Variants in NT5C3B observed in about 807,000 individuals in gnomAD.
NT5C3B encodes 5'-nucleotidase, cytosolic IIIB.
A neutral mutation model predicts 32.5 loss-of-function variants in NT5C3B; 28 were observed. The observed-to-expected ratio is 0.86, with a 90% CI of 0.64 to 1.18. The LOEUF (loss-of-function observed/expected upper bound fraction) is 1.18. Ranked by LOEUF, NT5C3B falls within the 50% of genes most tolerant of loss-of-function variation. The pLI, the probability that NT5C3B is intolerant of heterozygous loss-of-function variation, is 0.00. For missense variants in NT5C3B, 317 were observed against 322.0 expected (o/e 0.98, Z 0.12); for synonymous variants, 138 against 118.0 (o/e 1.17, Z -1.10).
At chr17:41,834,211 C>T (rs968108477) in intron 4 of NT5C3B, among the ~76,000 whole-genome samples, 9 of 152,022 alleles carry the variant, frequency 5.9e-5, no homozygotes, top group Non-Finnish European at 1.2e-4. Flanking sequence ...GCCTGACCAA[C>T]ATGGAGAAAC....
chr17:41,835,433 A>C, intron 2 of NT5C3B, 161 bp from the exon 3 acceptor site: 1 of 669,526 alleles, frequency 1.5e-6, no homozygotes, highest in African/African-American at 1.8e-5. Context: ...ATAGAGGGGA[A>C]GTGATCCTAA....
At chr17:41,834,522 G>A (rs553870170) in intron 4 of NT5C3B, among the ~76,000 whole-genome samples, 1 of 152,242 alleles carries the variant, frequency 6.6e-6, no homozygotes, top group East Asian at 1.9e-4. Flanking sequence ...TGAGGAAGGA[G>A]GATTGCTTGA....
At chr17:41,836,137 C>T (rs973321298) in intron 1 of NT5C3B, 45 bp downstream of exon 1, 17 of 1,318,866 alleles carry the variant, frequency 1.3e-5, no homozygotes, top group African/African-American at 1.5e-5. Context: ...CCCCGGGGGT[C>T]GGAGTCCGGG....
chr17:41,831,290 A>G (rs1334255021), intron 5 of NT5C3B, among the ~76,000 whole-genome samples: 1 of 143,172 alleles, frequency 7.0e-6, no homozygotes, highest in Non-Finnish European at 1.5e-5. Context: ...ACTGCACTCC[A>G]GCCTGGGTGA....
At chr17:41,836,053 G>A in intron 1 of NT5C3B, 96 bp from the exon 2 acceptor site, 1 of 1,405,540 alleles carries the variant, frequency 7.1e-7, no homozygotes, top group Non-Finnish European at 9.3e-7. Context: ...GGCGGGGCCG[G>A]GGTGCGCGAG....
In NT5C3B at chr17:41,827,411, T is replaced by C. The variant is rs2047984985; in HGVS notation, c.768+15A>G. The C allele has an allele frequency of 3.4e-6, 3 of 871,710 alleles. No individual in the cohort carries two copies. Among genetic ancestry groups the C allele is most frequent in the Admixed American group, 3.4e-5 (2 of 59,158 alleles). The allele number at this position is 871,710 out of a possible 1,614,324, so 54.0% of individuals were successfully genotyped here. On this transcript the variant is annotated intron_variant, in intron 8 of 8. Transcript: ENST00000435506. The stretch of plus-strand genomic sequence containing the variant: ...AGAAAGACATGAAGAGAAGCAGCCC[T>C]GGTCCTCTACCCACCTTGTCATTCA...
At chr17:41,829,389 G>A (rs1164767573) in intron 6 of NT5C3B, among the ~76,000 whole-genome samples, 2 of 152,096 alleles carry the variant, frequency 1.3e-5, no homozygotes, top group Non-Finnish European at 2.9e-5. Context: ...TAGAGCATAC[G>A]ATATATTCAA....
rs1268509541 is a variant in NT5C3B at position 41,834,281 on chromosome 17, A to C, written c.228+789T>G. 2.0e-5 allele frequency among the ~76,000 whole-genome samples: 3 copies of C among 151,960 alleles called. No individual in the cohort carries two copies. The East Asian group carries it at 5.8e-4, about 29-fold the overall frequency. On this transcript the variant is annotated intron_variant, in intron 4 of 8. Transcript: ENST00000435506. ...CATGGTGATGCATGCTGGTAATCCC[A>C]GCTACTCGAGAGGCTGAGGCATGAG...
At position 41,834,426 on chromosome 17, in the gene NT5C3B, T is replaced by A. The variant is rs868992801; in HGVS notation, c.228+644A>T. Reference sequence around the variant, plus strand: ...CACACACACACACACACACACACACTAGAACCCAACAGAAGAATATAAATT... The same window carrying A: ...CACACACACACACACACACACACACAAGAACCCAACAGAAGAATATAAATT... On this transcript the variant is annotated intron_variant, in intron 4 of 8. Transcript: ENST00000435506. Among the ~76,000 whole-genome samples, 8 of 66,838 alleles carry A rather than the reference T, an allele frequency of 1.2e-4. No individual in the cohort carries two copies. In the South Asian group the frequency reaches 2.8e-3, roughly 23 times the overall value. The allele number at this position is 66,838 out of a possible 152,430, so 43.8% of individuals were successfully genotyped here.
chr17:41,826,887 C>G (rs1252450036), intron 8 of NT5C3B, among the ~76,000 whole-genome samples: 1 of 150,994 alleles, frequency 6.6e-6, no homozygotes, highest in Non-Finnish European at 1.5e-5. Flanking sequence ...GTAGTCCCAG[C>G]TACTCAGCTG....
In NT5C3B at chr17:41,835,099, T is replaced by G; in HGVS notation, c.199A>C (p.Lys67Gln). Residue 67 changes from lysine (K) to glutamine (Q), a missense_variant, in exon 4 of 9, where the codon AAG becomes CAG. Coordinates refer to ENST00000435506, the MANE Select transcript of NT5C3B (RefSeq NM_052935.5). Reference sequence around the variant, plus strand: ...TTCCGACACTCCTCACTGATGATCTTGCTATTATCCAGAATATCTGGAAAA... The same window carrying G: ...TTCCGACACTCCTCACTGATGATCTGGCTATTATCCAGAATATCTGGAAAA... ...PSSYNILDNS[K>Q]IISEECRKEL... The G allele has an allele frequency of 6.2e-7, 1 of 1,614,186 alleles. No individual in the cohort carries two copies. Among genetic ancestry groups the G allele is most frequent in the Non-Finnish European group, 8.5e-7 (1 of 1,180,028 alleles).
intron 4 of NT5C3B, 70 bp downstream of exon 4, chr17:41,835,000 G>T (rs2048120758): frequency 6.9e-7 from 1 of 1,456,980 alleles, no homozygotes; most frequent in Non-Finnish European, 9.6e-7. Flanking sequence ...TGGAATCTTT[G>T]GTTCCAATCA....
At position 41,825,201 on chromosome 17, in the gene NT5C3B, T is replaced by G. The variant is rs2047940440; in HGVS notation, c.*322A>C. ...GCAGCTTTTTTTTCATTTTAAAAAT[T>G]TTGATCTGTTTCACACATTATATTT... On this transcript the variant is annotated 3_prime_UTR_variant, in exon 9 of 9. Transcript: ENST00000435506. 8.9e-6 allele frequency: 2 copies of G among 225,820 alleles called. No individual in the cohort carries two copies. Among genetic ancestry groups the G allele is most frequent in the East Asian group, 1.8e-4 (2 of 11,006 alleles). 14.0% of individuals were successfully genotyped at this position (225,820 alleles called of 1,614,324 possible). A position where few individuals can be genotyped will look rare whatever the true frequency, so the allele number is the denominator to read the frequency against.
Position 41,828,822 on chromosome 17 carries a change from T to C in NT5C3B, c.535A>G (p.Ile179Val), listed in dbSNP as rs782696600. Residue 179 changes from isoleucine to valine, a missense_variant, in exon 7 of 9, where the codon ATC (isoleucine) becomes GTC (valine). By Grantham distance (29) the Ile-to-Val change is conservative (BLOSUM62 3). Coordinates refer to ENST00000435506, the MANE Select transcript of NT5C3B (RefSeq NM_052935.5). ...QMKVFHPNIH[I>V]VSNYMDFNED... ...TTAAAATCCATGTAGTTAGACACGATGTGGATGTTGGGGTGGAACACTTTC... is the reference window on the plus strand; with the variant it reads ...TTAAAATCCATGTAGTTAGACACGACGTGGATGTTGGGGTGGAACACTTTC... The C allele has an allele frequency of 1.2e-6, 2 of 1,613,838 alleles. No homozygotes were observed. The highest frequency in any genetic ancestry group is 1.7e-6 in the Non-Finnish European group (2 of 1,179,922).
chr17:41,825,875 A>G (rs1164234914), intron 8 of NT5C3B, among the ~76,000 whole-genome samples: 1 of 152,222 alleles, frequency 6.6e-6, no homozygotes, highest in East Asian at 1.9e-4. Context: ...TCAATACAAA[A>G]GAACAGTAAC....
chr17:41,831,858 T>C (rs1461421134), intron 5 of NT5C3B, among the ~76,000 whole-genome samples: 4 of 151,844 alleles, frequency 2.6e-5, no homozygotes, highest in African/African-American at 9.7e-5. Flanking sequence ...GAGTTGAAAA[T>C]AGCCTGGGTA....
chr17:41,834,993 A>C, intron 4 of NT5C3B, 77 bp downstream of exon 4: 1 of 1,393,810 alleles, frequency 7.2e-7, no homozygotes, highest in African/African-American at 1.4e-5. Flanking sequence ...TCTATACTGG[A>C]ATCTTTGGTT....
At chr17:41,828,161 C>A (rs370522625) in intron 7 of NT5C3B, among the ~76,000 whole-genome samples, 46 of 152,144 alleles carry the variant, frequency 3.0e-4, no homozygotes, top group African/African-American at 1.1e-3. Flanking sequence ...TGAGTTGGAG[C>A]AGCCCACCTC....
rs1394448803 is a variant in NT5C3B at position 41,835,205 on chromosome 17, T to C, written c.179A>G (p.Tyr60Cys). The C allele has an allele frequency of 6.2e-7, 1 of 1,614,084 alleles. No homozygotes were observed. Among genetic ancestry groups the C allele is most frequent in the Middle Eastern group, 1.6e-4 (1 of 6,062 alleles). ...AYNGKRCPSS[Y>C]NILDNSKIIS... ...AGGGAAGCTAGAATGTGACTTACTG[T>C]AAGAAGAAGGGCATCGCTTTCCATT... Residue 60 changes from tyrosine to cysteine, a missense_variant and splice_region_variant, in exon 3 of 9, where the codon TAC becomes TGC. Physicochemically the swap from Tyr to Cys is radical, Grantham distance 194. Coordinates refer to ENST00000435506, the MANE Select transcript of NT5C3B (RefSeq NM_052935.5).
Sources: allele counts gnomAD v4.1 joint callset (sites outside exome capture counted in the v4.1 genomes callset), GRCh38; gene constraint gnomAD v4.1.1; transcripts MANE v1.5; gene names NCBI Gene and HGNC (gene_info 2026-07-23, HGNC 2026-07-21).